GLIS3: variants seen among roughly 807,000 people sequenced by gnomAD.
GLIS3 encodes the protein zinc finger protein GLIS3.
In GLIS3, 53 loss-of-function variants were observed where a neutral mutation model predicts 78.6. That is an observed-to-expected ratio of 0.67 (90% CI 0.54 to 0.85). The LOEUF is 0.85. Among genes scored for constraint, GLIS3 ranks in the 40% least tolerant of loss-of-function variants. The probability of loss-of-function intolerance (pLI) is 0.00; values close to 1 mark genes in which losing one functional copy is unlikely to be tolerated. For synonymous variants in GLIS3, 684 were observed against 509.9 expected, an observed-to-expected ratio of 1.34 and a Z score of -4.60; for missense variants, 1,703 against 1,231.1, an observed-to-expected ratio of 1.38 and a Z score of -5.74.
chr9:3,945,774 A>G (rs148276994), intron 4 of GLIS3, among the ~76,000 whole-genome samples: 1,890 of 152,344 alleles, frequency 0.012, 21 homozygotes, highest in Non-Finnish European at 0.015. Context: ...TCAGATAGGG[A>G]AAGATGAAGT....
At chr9:4,208,516 C>T (rs1820078844) in intron 2 of GLIS3, among the ~76,000 whole-genome samples, 1 of 152,182 alleles carries the variant, frequency 6.6e-6, no homozygotes, top group African/African-American at 2.4e-5. Flanking sequence ...CAAGTGCTCT[C>T]TTCTGCCATT....
chr9:3,939,209 C>T (rs1227002828), intron 4 of GLIS3, among the ~76,000 whole-genome samples: 1 of 152,168 alleles, frequency 6.6e-6, no homozygotes, highest in Non-Finnish European at 1.5e-5. Context: ...GAGAAAGCTG[C>T]ATTGTTTCAG....
chr9:4,085,852 C>T (rs981122414), intron 4 of GLIS3, among the ~76,000 whole-genome samples: 1 of 152,160 alleles, frequency 6.6e-6, no homozygotes, highest in Non-Finnish European at 1.5e-5. Flanking sequence ...TAGAAACTTC[C>T]TGAGGCCTCC....
At chr9:4,017,202 T>C (rs1220489726) in intron 4 of GLIS3, among the ~76,000 whole-genome samples, 1 of 152,174 alleles carries the variant, frequency 6.6e-6, no homozygotes, top group Non-Finnish European at 1.5e-5. Context: ...ACTCTGTACG[T>C]TGGCTAGGCA....
At chr9:3,914,834 TCG>T in intron 6 of GLIS3, among the ~76,000 whole-genome samples, 1 of 152,276 alleles carries the variant, frequency 6.6e-6, no homozygotes, top group African/African-American at 2.4e-5. Context: ...GTAAACCTGA[TCG>T]CACTGGCCCT....
At chr9:4,222,285 C>G (rs753905039) in intron 2 of GLIS3, among the ~76,000 whole-genome samples, 1 of 152,146 alleles carries the variant, frequency 6.6e-6, no homozygotes, top group African/African-American at 2.4e-5. Flanking sequence ...CAACCCCAAA[C>G]AAAATACTAT....
intron 1 of GLIS3, among the ~76,000 whole-genome samples, chr9:4,287,907 G>A (rs557977202): frequency 2.6e-5 from 4 of 152,312 alleles, no homozygotes; most frequent in South Asian, 2.1e-4. Context: ...AATATAAAAT[G>A]TAGAATGTTT....
intron 4 of GLIS3, among the ~76,000 whole-genome samples, chr9:4,037,994 G>A (rs1004500102): frequency 3.9e-5 from 6 of 151,990 alleles, no homozygotes; most frequent in African/African-American, 1.5e-4. Flanking sequence ...TGTTTTACAA[G>A]ATAGCCCATC....
At chr9:4,195,308 G>A (rs7865269) in intron 2 of GLIS3, among the ~76,000 whole-genome samples, 69,078 of 151,958 alleles carry the variant, frequency 0.45, 16,045 homozygotes, top group Middle Eastern at 0.53. Context: ...GGAGAGGCGC[G>A]GGTGGGAACT....
chr9:3,918,134 A>G (rs1824644149), intron 6 of GLIS3, among the ~76,000 whole-genome samples: 1 of 152,190 alleles, frequency 6.6e-6, no homozygotes, highest in Non-Finnish European at 1.5e-5. Context: ...TCTTTCAAAT[A>G]TCCATGTTCC....
At chr9:4,076,140 C>T (rs1457479571) in intron 4 of GLIS3, among the ~76,000 whole-genome samples, 2 of 151,904 alleles carry the variant, frequency 1.3e-5, no homozygotes, top group Non-Finnish European at 2.9e-5. Context: ...AAATTATAGC[C>T]CAACAAGTTG....
intron 2 of GLIS3, among the ~76,000 whole-genome samples, chr9:4,192,055 A>G (rs193302739): frequency 8.4e-4 from 128 of 152,302 alleles, no homozygotes; most frequent in African/African-American, 3.0e-3. Context: ...AATGATCTCA[A>G]AAGGAGTTCT....
intron 2 of GLIS3, among the ~76,000 whole-genome samples, chr9:4,230,218 CA>C (rs1292686042): frequency 2.0e-5 from 3 of 152,184 alleles, no homozygotes; most frequent in Admixed American, 6.5e-5. Flanking sequence ...TAAGCGTCAT[CA>C]GCCTTAAAGG....
chr9:4,279,324 TACACACACAC>T lies in GLIS3; in HGVS notation c.388+6704_388+6713del, dbSNP rs141790371. The stretch of plus-strand genomic sequence containing the variant: ...AAAAAAAAAAAAAAAAATATATATA[TACACACACAC>T]ACACACACACACACACACACACACA... On this transcript the variant is annotated intron_variant, in intron 2 of 10. Transcript: ENST00000381971. Among the ~76,000 whole-genome samples the T allele has an allele frequency of 2.9e-3, 246 of 84,910 alleles. 7 individuals carry two copies. Among genetic ancestry groups the T allele is most frequent in the African/African-American group, 0.011 (222 of 21,108 alleles). The allele number at this position is 84,910 out of a possible 152,430, so 55.7% of individuals were successfully genotyped here.
At chr9:4,198,018 A>C (rs892738850) in intron 2 of GLIS3, among the ~76,000 whole-genome samples, 1 of 152,230 alleles carries the variant, frequency 6.6e-6, no homozygotes. Flanking sequence ...GCCTGCATGA[A>C]ATTAATTACA....
At chr9:4,467,674 T>C in the GLIS3 span, among the ~76,000 whole-genome samples, 1 of 152,108 alleles carries the variant, frequency 6.6e-6, no homozygotes, top group Non-Finnish European at 1.5e-5. Flanking sequence ...ACCACAAAGA[T>C]GGGGAGAAAC....
intron 4 of GLIS3, among the ~76,000 whole-genome samples, chr9:3,990,123 C>T (rs1431626400): frequency 1.3e-5 from 2 of 152,176 alleles, no homozygotes; most frequent in Non-Finnish European, 2.9e-5. Flanking sequence ...CCACGAAGTT[C>T]ATTTTCAAAG....
At chr9:4,488,705 A>G in the GLIS3 span, among the ~76,000 whole-genome samples, 2 of 151,710 alleles carry the variant, frequency 1.3e-5, no homozygotes, top group Non-Finnish European at 2.9e-5. Flanking sequence ...TTTTTGGTAG[A>G]CGGGATTTCC....
chr9:3,983,791 C>T (rs2129643342), intron 4 of GLIS3, among the ~76,000 whole-genome samples: 1 of 152,262 alleles, frequency 6.6e-6, no homozygotes, highest in South Asian at 2.1e-4. Context: ...CAAGAGGTGA[C>T]TTGGGTGCTG....
Sources: allele counts gnomAD v4.1 joint callset (sites outside exome capture counted in the v4.1 genomes callset), GRCh38; gene constraint gnomAD v4.1.1; transcripts MANE v1.5; gene names NCBI Gene and HGNC (gene_info 2026-07-23, HGNC 2026-07-21).